AP3B1: variants seen among roughly 807,000 people sequenced by gnomAD.
AP3B1 encodes the protein adaptor related protein complex 3 subunit beta 1.
Under a neutral mutation model 132.5 loss-of-function variants are expected in AP3B1, and 61 were observed. The observed-to-expected ratio is 0.46, with a 90% confidence interval of 0.37 to 0.57. AP3B1 has a LOEUF of 0.57. Among genes scored for constraint, AP3B1 ranks in the 20% least tolerant of loss-of-function variants. AP3B1 has a pLI of 0.00. For synonymous variants in AP3B1, 388 were observed against 438.3 expected (o/e 0.89, Z 1.43); for missense variants, 1,120 against 1,289.4 (o/e 0.87, Z 2.01).
chr5:78,195,881 T>C (rs115970771), intron 7 of AP3B1, among the ~76,000 whole-genome samples: 2,586 of 152,142 alleles, frequency 0.017, 69 homozygotes, highest in African/African-American at 0.059. Context: ...TCACAAAAAT[T>C]AACTCAAAAT....
intron 21 of AP3B1, among the ~76,000 whole-genome samples, chr5:78,092,971 C>A (rs1297733724): frequency 6.6e-6 from 1 of 152,122 alleles, no homozygotes; most frequent in Admixed American, 6.5e-5. Context: ...TTTGGACAAA[C>A]AAATTCTTCA....
At chr5:78,137,318 G>T (rs1193659714) in intron 15 of AP3B1, among the ~76,000 whole-genome samples, 1 of 152,026 alleles carries the variant, frequency 6.6e-6, no homozygotes, top group Non-Finnish European at 1.5e-5. Context: ...GTGTTTCTCT[G>T]AATCCACCCT....
intron 15 of AP3B1, among the ~76,000 whole-genome samples, chr5:78,140,661 C>T (rs536633370): frequency 9.8e-5 from 15 of 152,302 alleles, no homozygotes; most frequent in African/African-American, 2.6e-4. Context: ...CATGGGTGAT[C>T]AGGTTTCACC....
chr5:78,235,815 C>G (rs1488667311), intron 3 of AP3B1, among the ~76,000 whole-genome samples: 1 of 152,108 alleles, frequency 6.6e-6, no homozygotes, highest in Non-Finnish European at 1.5e-5. Context: ...TTGACTAAAC[C>G]TTTGATTATT....
intron 13 of AP3B1, among the ~76,000 whole-genome samples, chr5:78,160,225 C>T (rs899718023): frequency 6.6e-6 from 1 of 152,098 alleles, no homozygotes; most frequent in Non-Finnish European, 1.5e-5. Flanking sequence ...TTAAACATCT[C>T]AACTGATTTA....
At chr5:78,081,300 ATTTTTTTTTT>A (rs560113962) in intron 22 of AP3B1, among the ~76,000 whole-genome samples, 3 of 100,862 alleles carry the variant, frequency 3.0e-5, no homozygotes, top group South Asian at 3.2e-4. Context: ...GCATTACTTC[ATTTTTTTTTT>A]TTTTTTTTTT....
chr5:78,241,203 A>C (rs1440351098), intron 2 of AP3B1, among the ~76,000 whole-genome samples: 1 of 139,544 alleles, frequency 7.2e-6, no homozygotes, highest in Admixed American at 6.9e-5. Flanking sequence ...GGTTATAAGT[A>C]ATTTTTTTTT....
intron 1 of AP3B1, among the ~76,000 whole-genome samples, chr5:78,272,761 T>C (rs1748600100): frequency 6.6e-6 from 1 of 152,076 alleles, no homozygotes; most frequent in African/African-American, 2.4e-5. Flanking sequence ...GAGTTAGTTA[T>C]GCAGATATCA....
chr5:78,008,243 C>T (rs1429584779), intron 26 of AP3B1, among the ~76,000 whole-genome samples: 1 of 152,290 alleles, frequency 6.6e-6, no homozygotes, highest in Non-Finnish European at 1.5e-5. Flanking sequence ...ACCCCATTCT[C>T]TTTGATTCCT....
chr5:78,034,480 G>A (rs377552274), intron 23 of AP3B1, 35 bp from the exon 24 acceptor site: 1 of 1,513,880 alleles, frequency 6.6e-7, no homozygotes, highest in African/African-American at 1.4e-5. Context: ...TGAAAACACA[G>A]AGGATGTGAA....
chr5:78,016,816 T>G (rs1273467674), intron 25 of AP3B1, among the ~76,000 whole-genome samples: 1 of 152,088 alleles, frequency 6.6e-6, no homozygotes, highest in African/African-American at 2.4e-5. Flanking sequence ...ACTTCAATAT[T>G]AGGCAAAAGC....
At chr5:78,203,710 G>GT (rs1185940859) in intron 7 of AP3B1, among the ~76,000 whole-genome samples, 1 of 152,024 alleles carries the variant, frequency 6.6e-6, no homozygotes, top group Non-Finnish European at 1.5e-5. Flanking sequence ...CCTGGAATAT[G>GT]TATTATGTGT....
At position 78,206,802 on chromosome 5, in the gene AP3B1, T is replaced by C. The variant is rs148757086; in HGVS notation, c.786+9253A>G. On this transcript the variant is annotated intron_variant, in intron 7 of 26. Coordinates refer to ENST00000255194, the MANE Select transcript of AP3B1 (RefSeq NM_003664.5). ...ATCAAATTACTGACAATGAAACAAC[T>C]TGAAATAATATAAATGCAATCAAAA... Among the ~76,000 whole-genome samples, 7 of 151,908 alleles carry C rather than the reference T, an allele frequency of 4.6e-5. No individual in the cohort carries two copies. The East Asian group carries it at 1.2e-3, about 25-fold the overall frequency.
chr5:78,211,549 C>T (rs753948866), intron 7 of AP3B1, among the ~76,000 whole-genome samples: 1 of 152,144 alleles, frequency 6.6e-6, no homozygotes, highest in African/African-American at 2.4e-5. Context: ...AGTGTATCTA[C>T]GAATTTTCGA....
intron 21 of AP3B1, among the ~76,000 whole-genome samples, chr5:78,091,075 C>T (rs1003297984): frequency 2.6e-5 from 4 of 151,888 alleles, no homozygotes; most frequent in Admixed American, 2.6e-4. Context: ...GCGTGTGCCA[C>T]AACACCCAGC....
At chr5:78,096,977 T>C (rs1750841866) in intron 21 of AP3B1, among the ~76,000 whole-genome samples, 3 of 129,554 alleles carry the variant, frequency 2.3e-5, no homozygotes, top group Non-Finnish European at 3.3e-5. Context: ...GAGGAGTCCC[T>C]CTGCCCGGCC....
intron 1 of AP3B1, among the ~76,000 whole-genome samples, chr5:78,293,718 C>G (rs1376533691): frequency 6.6e-6 from 1 of 151,160 alleles, no homozygotes; most frequent in Non-Finnish European, 1.5e-5. Context: ...CAACCCACCC[C>G]CCAAAACAAA....
Position 78,150,408 on chromosome 5 carries a change from A to T in AP3B1, c.1473+5850T>A, listed in dbSNP as rs559278036. ...AGTATCCACTGGATTTAGAAAGGAG[A>T]TAGTAACCTTGGAAAAGGCATAGTT... is the stretch of plus-strand genomic sequence containing the variant. On this transcript the variant is annotated intron_variant, in intron 14 of 26. Coordinates refer to ENST00000255194, the MANE Select transcript of AP3B1 (RefSeq NM_003664.5). Among the ~76,000 whole-genome samples the T allele has an allele frequency of 7.6e-4, 116 of 152,352 alleles. 1 individual carries two copies. Among genetic ancestry groups the T allele is most frequent in the African/African-American group, 2.5e-3 (105 of 41,582 alleles).
At position 78,089,421 on chromosome 5, in the gene AP3B1, T is replaced by A. The variant is rs1291245234; in HGVS notation, c.2549A>T (p.His850Leu). 6.2e-7 allele frequency: 1 copy of A among 1,612,868 alleles called. No homozygotes were observed. Among genetic ancestry groups the A allele is most frequent in the Non-Finnish European group, 8.5e-7 (1 of 1,179,032 alleles). ...GATGACTGAAGAGGAAGTTGACAAG[T>A]GTAAACCTTCAAGATCAGCCATCAA... The part of the protein sequence containing the change: ...PSLMADLEGL[H>L]LSTSSSVISV... The change falls in exon 22 of 27, where the codon CAC becomes CTC. Residue 850 changes from histidine to leucine, a missense_variant. His to Leu is a moderately conservative substitution (Grantham distance 99). Around this residue, in one of 3 missense-constraint regions of AP3B1, gnomAD observed 906 missense variants for 997.1 expected, o/e 0.91. Coordinates refer to ENST00000255194, the MANE Select transcript of AP3B1 (RefSeq NM_003664.5).
Sources: gnomAD v4.1 joint callset for allele counts (sites outside exome capture counted in the v4.1 genomes callset) on GRCh38, gnomAD v4.1.1 for gene constraint, gnomAD v4.1.1 regional missense constraint, MANE v1.5 for transcripts, NCBI Gene and HGNC (gene_info 2026-07-23, HGNC 2026-07-21) for gene names.